EPG5: variants seen among roughly 807,000 people sequenced by gnomAD.
EPG5 encodes the protein ectopic P-granules 5 autophagy tethering factor, also known as ectopic P granules protein 5 homolog.
A neutral mutation model predicts 302.7 loss-of-function variants in EPG5; 159 were observed. The ratio of observed to expected loss-of-function variants is 0.53; its 90% CI spans 0.46 to 0.60. The LOEUF (loss-of-function observed/expected upper bound fraction) is 0.60. EPG5 is among the 20% of genes least tolerant of loss of function. The pLI, the probability that EPG5 is intolerant of heterozygous loss-of-function variation, is 0.00. For missense variants in EPG5, 2,896 were observed against 3,092.4 expected (o/e 0.94, Z 1.51); for synonymous variants, 1,158 against 1,136.8 (o/e 1.02, Z -0.37).
chr18:45,865,706 G>A lies in EPG5; in HGVS notation c.6675C>T (p.Ser2225=). 2.5e-6 allele frequency: 4 copies of A among 1,612,986 alleles called. No homozygotes were observed. The highest frequency in any genetic ancestry group is 3.4e-6 in the Non-Finnish European group (4 of 1,179,826). ...AFTHQMVQFL[S]TLEQNGKITL... ...TGATTTTTCCATTTTGTTCCAGGGT[G>A]CTGAGGAATTGAACCATCTGATGAG... The change falls in exon 39 of 44, where the codon AGC becomes AGT. Residue 2225 remains serine (S), a synonymous_variant. Coordinates refer to ENST00000282041, the MANE Select transcript of EPG5 (RefSeq NM_020964.3).
chr18:45,890,220 C>T (rs1055878712), intron 27 of EPG5: 17 of 246,124 alleles, frequency 6.9e-5, no homozygotes, highest in Non-Finnish European at 1.2e-4. Flanking sequence ...CAGGAAGCCC[C>T]TCCACTGCTG....
At chr18:45,961,227 A>G (rs2051141056) in intron 1 of EPG5, among the ~76,000 whole-genome samples, 2 of 152,192 alleles carry the variant, frequency 1.3e-5, no homozygotes, top group African/African-American at 2.4e-5. Flanking sequence ...TCTATTCTCC[A>G]AAAAGCAGTC....
chr18:45,801,411 C>T, the EPG5 span, among the ~76,000 whole-genome samples: 1 of 152,166 alleles, frequency 6.6e-6, no homozygotes, highest in Non-Finnish European at 1.5e-5. Context: ...TCAAGCAATC[C>T]TCCTCCCTTG....
chr18:45,900,368 C>T (rs2145582873), intron 26 of EPG5, among the ~76,000 whole-genome samples: 1 of 149,528 alleles, frequency 6.7e-6, no homozygotes, highest in South Asian at 2.1e-4. Flanking sequence ...TGCCACTGCA[C>T]CACTCCAGCC....
downstream of EPG5, chr18:45,843,342 G>A (rs1342085744): frequency 6.6e-6 from 1 of 152,238 alleles, no homozygotes; most frequent in Non-Finnish European, 1.5e-5. Flanking sequence ...TGGTCCTTGG[G>A]GCTTAGGGAG....
At chr18:45,842,353 GCCT>G in the EPG5 span, 23 of 655,160 alleles carry the variant, frequency 3.5e-5, no homozygotes, top group Admixed American at 1.4e-4. Flanking sequence ...GGCTCATCTG[GCCT>G]CCTATGTGGA....
At chr18:45,873,405 G>A (rs2048911297) in intron 35 of EPG5, among the ~76,000 whole-genome samples, 1 of 152,100 alleles carries the variant, frequency 6.6e-6, no homozygotes, top group South Asian at 2.1e-4. Flanking sequence ...AGCTACTCGG[G>A]AGACTGAGGC....
At chr18:45,926,458 T>TA (rs936532937) in intron 13 of EPG5, among the ~76,000 whole-genome samples, 1 of 152,120 alleles carries the variant, frequency 6.6e-6, no homozygotes, top group African/African-American at 2.4e-5. Flanking sequence ...TAATCCACAA[T>TA]AAAAAATTTT....
intron 18 of EPG5, 73 bp downstream of exon 18, chr18:45,916,365 A>C: frequency 6.4e-7 from 1 of 1,566,516 alleles, no homozygotes. Context: ...ACTAAAACCT[A>C]AGTGTGCTAA....
chr18:45,886,265 C>A (rs188399396), intron 29 of EPG5, among the ~76,000 whole-genome samples: 1 of 152,206 alleles, frequency 6.6e-6, no homozygotes, highest in Admixed American at 6.5e-5. Context: ...TTACCTCAGC[C>A]TGATTGCAGC....
chr18:45,895,888 T>C (rs2049460252), intron 27 of EPG5, among the ~76,000 whole-genome samples: 1 of 152,170 alleles, frequency 6.6e-6, no homozygotes. Flanking sequence ...CACCTCTTTT[T>C]CCAAAACTAA....
downstream of EPG5, chr18:45,842,794 T>G (rs1490496970): frequency 2.0e-5 from 3 of 153,234 alleles, no homozygotes; most frequent in Non-Finnish European, 2.9e-5. Context: ...CTTTGCAGAG[T>G]GACCTTTGGA....
At chr18:45,819,502 T>C in the EPG5 span, among the ~76,000 whole-genome samples, 17 of 152,136 alleles carry the variant, frequency 1.1e-4, no homozygotes, top group Middle Eastern at 3.2e-3. Flanking sequence ...GAGAAGAAGT[T>C]GGGGTGAGGA....
At chr18:45,813,247 A>T in the EPG5 span, among the ~76,000 whole-genome samples, 3 of 152,238 alleles carry the variant, frequency 2.0e-5, no homozygotes, top group African/African-American at 7.2e-5. Context: ...AATGGCAATC[A>T]TTAAAAAGTC....
chr18:45,938,350 T>G (rs2050583918), intron 10 of EPG5, among the ~76,000 whole-genome samples: 1 of 151,310 alleles, frequency 6.6e-6, no homozygotes, highest in Non-Finnish European at 1.5e-5. Context: ...TAATCCCAGC[T>G]ACTTGGAAGG....
intron 4 of EPG5, among the ~76,000 whole-genome samples, chr18:45,950,225 T>C (rs1313633329): frequency 1.3e-5 from 2 of 152,350 alleles, no homozygotes; most frequent in Non-Finnish European, 2.9e-5. Flanking sequence ...GATTTTGGAA[T>C]ATTTGCATAA....
intron 14 of EPG5, among the ~76,000 whole-genome samples, chr18:45,924,041 A>AAAG (rs2050214634): frequency 6.6e-6 from 1 of 151,902 alleles, no homozygotes; most frequent in South Asian, 2.1e-4. Flanking sequence ...AAAAAAAAAA[A>AAAG]AGAGAAAGAT....
At chr18:45,873,244 G>A (rs1220800963) in intron 35 of EPG5, among the ~76,000 whole-genome samples, 1 of 152,212 alleles carries the variant, frequency 6.6e-6, no homozygotes, top group Non-Finnish European at 1.5e-5. Context: ...GGGCATGGTG[G>A]CTCATGCCTG....
chr18:45,873,578 T>A (rs1319462992), intron 35 of EPG5, among the ~76,000 whole-genome samples: 1 of 152,152 alleles, frequency 6.6e-6, no homozygotes, highest in African/African-American at 2.4e-5. Context: ...CAAATCTTTT[T>A]CTCAGTAATC....
Sources: gnomAD v4.1 joint callset for allele counts (sites outside exome capture counted in the v4.1 genomes callset) on GRCh38, gnomAD v4.1.1 for gene constraint, MANE v1.5 for transcripts, NCBI Gene and HGNC (gene_info 2026-07-23, HGNC 2026-07-21) for gene names.